Variants in TRAK1 observed in about 807,000 individuals in gnomAD.
The protein encoded by TRAK1 is trafficking kinesin protein 1.
A neutral mutation model predicts 92.1 loss-of-function variants in TRAK1; 33 were observed. The observed-to-expected ratio is 0.36, with a 90% CI of 0.27 to 0.48. TRAK1 has a LOEUF of 0.48. Ranked by LOEUF, TRAK1 falls within the 20% of genes least tolerant of loss-of-function variation. The pLI, the probability that TRAK1 is intolerant of heterozygous loss-of-function variation, is 0.99. For synonymous variants in TRAK1, 521 were observed against 517.3 expected, an observed-to-expected ratio of 1.01 and a Z score of -0.10; for missense variants, 1,123 against 1,257.9, an observed-to-expected ratio of 0.89 and a Z score of 1.62.
chr3:42,040,359 C>A (rs1350984687), intron 1 of TRAK1, among the ~76,000 whole-genome samples: 1 of 152,082 alleles, frequency 6.6e-6, no homozygotes, highest in East Asian at 1.9e-4. Context: ...GCATTTTGCC[C>A]AGAGTTGGTC....
intron 1 of TRAK1, among the ~76,000 whole-genome samples, chr3:42,102,450 A>T (rs920452101): frequency 6.6e-6 from 1 of 152,224 alleles, no homozygotes; most frequent in African/African-American, 2.4e-5. Flanking sequence ...TTTTCCAGAG[A>T]TTTGCTGATG....
At chr3:42,023,808 C>T (rs576321861) in intron 1 of TRAK1, among the ~76,000 whole-genome samples, 1 of 126,770 alleles carries the variant, frequency 7.9e-6, no homozygotes, top group African/African-American at 3.1e-5. Flanking sequence ...GGCTGGAGTG[C>T]AGTGGCACAG....
At chr3:42,020,915 A>T (rs1701698817) in intron 1 of TRAK1, among the ~76,000 whole-genome samples, 1 of 152,106 alleles carries the variant, frequency 6.6e-6, no homozygotes, top group Non-Finnish European at 1.5e-5. Flanking sequence ...GGCATTTTTT[A>T]CTTAGTGTGA....
At chr3:42,158,807 A>T (rs1700873912) in intron 2 of TRAK1, among the ~76,000 whole-genome samples, 1 of 145,502 alleles carries the variant, frequency 6.9e-6, no homozygotes, top group Non-Finnish European at 1.5e-5. Context: ...AAAAAAAAAA[A>T]AATTAGCCAG....
At chr3:42,080,263 G>C (rs902383526) in intron 1 of TRAK1, among the ~76,000 whole-genome samples, 1 of 152,170 alleles carries the variant, frequency 6.6e-6, no homozygotes, top group Non-Finnish European at 1.5e-5. Context: ...AAGTACTCTT[G>C]ACAAACTGGG....
At chr3:42,045,452 T>C (rs1702716573) in intron 1 of TRAK1, among the ~76,000 whole-genome samples, 1 of 152,134 alleles carries the variant, frequency 6.6e-6, no homozygotes, top group African/African-American at 2.4e-5. Context: ...GGAGAATCTC[T>C]TGAACCCAGG....
At chr3:42,196,854 C>T (rs1311373123) in intron 10 of TRAK1, among the ~76,000 whole-genome samples, 1 of 151,942 alleles carries the variant, frequency 6.6e-6, no homozygotes, top group Non-Finnish European at 1.5e-5. Flanking sequence ...GGCCCTATGG[C>T]ACATTTCAGT....
chr3:42,164,695 A>T (rs962635209), intron 2 of TRAK1, among the ~76,000 whole-genome samples: 1 of 152,210 alleles, frequency 6.6e-6, no homozygotes, highest in East Asian at 1.9e-4. Context: ...GGGAGAGGAA[A>T]TATCCAGGCC....
chr3:42,147,621 C>G (rs1699480551), intron 2 of TRAK1, among the ~76,000 whole-genome samples: 1 of 152,206 alleles, frequency 6.6e-6, no homozygotes, highest in South Asian at 2.1e-4. Flanking sequence ...ACTTGAGGCT[C>G]TGTTATCCAT....
intron 1 of TRAK1, among the ~76,000 whole-genome samples, chr3:42,019,053 T>C: frequency 6.6e-6 from 1 of 151,632 alleles, no homozygotes; most frequent in East Asian, 1.9e-4. Flanking sequence ...ACCCGGGAAG[T>C]GGAGGTTGCA....
chr3:42,047,698 C>T (rs1030437661), intron 1 of TRAK1, among the ~76,000 whole-genome samples: 14 of 152,014 alleles, frequency 9.2e-5, no homozygotes, highest in African/African-American at 2.4e-4. Context: ...TTTTGTGTTC[C>T]AACCAATTTT....
In TRAK1 at chr3:42,223,814, A is replaced by G. The variant is rs1244680879; in HGVS notation, c.*77A>G. 2.0e-6 allele frequency: 3 copies of G among 1,474,422 alleles called. No homozygotes were observed. The highest frequency in any genetic ancestry group is 2.8e-5 in the African/African-American group (2 of 71,534). 91.3% of individuals were successfully genotyped at this position (1,474,422 alleles called of 1,614,324 possible). On this transcript the variant is annotated 3_prime_UTR_variant, in exon 16 of 16. Transcript: ENST00000327628. The surrounding 1 kb of genome is among the most constrained non-coding windows in gnomAD (Gnocchi z 6.1). ...GCTCCCACCTCCCTCTCTTCCCCCC[A>G]CAGTGCACTCCCTCCCTCTGCCCTT...
chr3:42,053,395 T>TGGGG (rs1703067211), intron 1 of TRAK1, among the ~76,000 whole-genome samples: 11 of 49,232 alleles, frequency 2.2e-4, no homozygotes, highest in Non-Finnish European at 3.2e-4. Context: ...GGGCGGGGGA[T>TGGGG]GGCAAAGGGG....
At chr3:42,108,254 G>T (rs1707861584) in intron 1 of TRAK1, among the ~76,000 whole-genome samples, 1 of 152,028 alleles carries the variant, frequency 6.6e-6, no homozygotes, top group Non-Finnish European at 1.5e-5. Context: ...ACTTTGGGAG[G>T]CCAAGTGAAG....
At chr3:42,191,423 C>G (rs753871534) in intron 6 of TRAK1, 135 bp from the exon 7 acceptor site, 7 of 642,784 alleles carry the variant, frequency 1.1e-5, no homozygotes, top group Non-Finnish European at 1.8e-5. Context: ...TTTGAGGGTA[C>G]GATGGGTGAC....
chr3:42,180,347 A>T (rs1243594998), intron 3 of TRAK1, among the ~76,000 whole-genome samples: 3 of 152,212 alleles, frequency 2.0e-5, no homozygotes, highest in Non-Finnish European at 4.4e-5. Context: ...TAAATAGGGT[A>T]TCAGGCTGAG....
intron 2 of TRAK1, among the ~76,000 whole-genome samples, chr3:42,140,790 G>A (rs890433799): frequency 6.6e-6 from 1 of 152,166 alleles, no homozygotes; most frequent in Non-Finnish European, 1.5e-5. Context: ...AGCCTCTTCC[G>A]GGTCTTCCTC....
chr3:42,117,020 G>A (rs1042821763), intron 1 of TRAK1, among the ~76,000 whole-genome samples: 7 of 152,034 alleles, frequency 4.6e-5, no homozygotes, highest in Non-Finnish European at 8.8e-5. Flanking sequence ...AGAAATCAGG[G>A]ACTCTCATAA....
chr3:42,045,546 AAAAACATAAACCCATTGTTC>A (rs1702720094), intron 1 of TRAK1, among the ~76,000 whole-genome samples: 1 of 152,016 alleles, frequency 6.6e-6, no homozygotes, highest in African/African-American at 2.4e-5. Flanking sequence ...AAAAACCCCA[AAAAACATAAACCCATTGTTC>A]TCTGTGAGGT....
Sources: gnomAD v4.1 joint callset for allele counts (sites outside exome capture counted in the v4.1 genomes callset) on GRCh38, gnomAD v4.1.1 for gene constraint, Gnocchi (gnomAD v3.1) non-coding constraint, MANE v1.5 for transcripts, NCBI Gene and HGNC (gene_info 2026-07-23, HGNC 2026-07-21) for gene names.